The following DYNC1LI1 variants were observed in gnomAD, a reference collection of about 807,000 sequenced individuals.
The protein encoded by DYNC1LI1 is dynein cytoplasmic 1 light intermediate chain 1, also known as cytoplasmic dynein 1 light intermediate chain 1.
DYNC1LI1 carries 19 observed loss-of-function variants against 63.8 expected under a neutral mutation model. That is an observed-to-expected ratio of 0.30 (90% CI 0.21 to 0.44). The LOEUF (loss-of-function observed/expected upper bound fraction) is 0.44, where lower values mean the gene tolerates loss of function less well. Ranked by LOEUF, DYNC1LI1 falls within the 20% of genes least tolerant of loss-of-function variation. DYNC1LI1 has a pLI of 1.00. For synonymous variants in DYNC1LI1, 225 were observed against 232.3 expected, an observed-to-expected ratio of 0.97 and a Z score of 0.28; for missense variants, 565 against 630.2, an observed-to-expected ratio of 0.90 and a Z score of 1.11.
At chr3:32,555,073 T>C (rs945919810) in intron 2 of DYNC1LI1, among the ~76,000 whole-genome samples, 10 of 152,134 alleles carry the variant, frequency 6.6e-5, no homozygotes, top group Non-Finnish European at 1.0e-4. Flanking sequence ...TTTCACCATG[T>C]TGCCCAGGCT....
chr3:32,547,632 A>G (rs1697973855), intron 2 of DYNC1LI1, among the ~76,000 whole-genome samples: 1 of 152,198 alleles, frequency 6.6e-6, no homozygotes. Flanking sequence ...TGCCAAATTC[A>G]AAGTATCCCA....
At chr3:32,570,538 G>A in intron 1 of DYNC1LI1, 87 bp downstream of exon 1, 1 of 1,497,358 alleles carries the variant, frequency 6.7e-7, no homozygotes, top group Non-Finnish European at 8.9e-7. Flanking sequence ...CGGGCCCGGC[G>A]CCGAGCTCCA....
At chr3:32,526,934 C>G (rs1697627097) in intron 12 of DYNC1LI1, 26 bp from the exon 13 acceptor site, 1 of 1,515,426 alleles carries the variant, frequency 6.6e-7, no homozygotes, top group African/African-American at 1.4e-5. Context: ...AGAAAAAAAA[C>G]AAGATTTAGA....
intron 2 of DYNC1LI1, among the ~76,000 whole-genome samples, chr3:32,547,093 A>G (rs912025856): frequency 2.6e-5 from 4 of 152,058 alleles, no homozygotes; most frequent in Non-Finnish European, 4.4e-5. Flanking sequence ...AATACAAAAA[A>G]TTAGCAGGGC....
chr3:32,560,007 G>T lies in DYNC1LI1; in HGVS notation c.220+10339C>A, dbSNP rs575755600. 5.9e-5 allele frequency among the ~76,000 whole-genome samples: 9 copies of T among 152,308 alleles called. No homozygotes were observed. In the South Asian group the frequency reaches 1.9e-3, roughly 32 times the overall value. ...TCCTCCCTCACATTGGTAGGTAAGA[G>T]TAGGGAGAGACTATTAACAAAATGC... is the stretch of plus-strand genomic sequence containing the variant. On this transcript the variant is annotated intron_variant, in intron 2 of 12. Coordinates refer to ENST00000273130, the MANE Select transcript of DYNC1LI1 (RefSeq NM_016141.4).
intron 2 of DYNC1LI1, among the ~76,000 whole-genome samples, chr3:32,552,518 T>C (rs1211680112): frequency 1.3e-5 from 2 of 152,200 alleles, no homozygotes; most frequent in South Asian, 2.1e-4. Context: ...TATTTTTTTT[T>C]CCACTGAACA....
intron 2 of DYNC1LI1, 56 bp downstream of exon 2, chr3:32,570,290 A>T (rs1455187075): frequency 2.2e-6 from 3 of 1,395,172 alleles, no homozygotes; most frequent in Non-Finnish European, 3.0e-6. Context: ...CCCGCGGACC[A>T]GGTACCCCGG....
At chr3:32,529,318 A>G (rs1697664682) in intron 11 of DYNC1LI1, among the ~76,000 whole-genome samples, 1 of 152,154 alleles carries the variant, frequency 6.6e-6, no homozygotes, top group Admixed American at 6.5e-5. Flanking sequence ...CAGGAAATTG[A>G]TTAAATATAA....
At chr3:32,565,057 G>T (rs895094747) in intron 2 of DYNC1LI1, among the ~76,000 whole-genome samples, 1 of 152,132 alleles carries the variant, frequency 6.6e-6, no homozygotes, top group Non-Finnish European at 1.5e-5. Context: ...GCATATTACC[G>T]TGGACTAATA....
chr3:32,558,105 A>G (rs1429422269), intron 2 of DYNC1LI1, among the ~76,000 whole-genome samples: 3 of 152,108 alleles, frequency 2.0e-5, no homozygotes, highest in African/African-American at 4.8e-5. Context: ...ATGGTGGCAC[A>G]CACCTGTAGC....
At chr3:32,534,713 T>A (rs1697751932) in intron 6 of DYNC1LI1, 67 bp from the exon 7 acceptor site, 1 of 1,295,808 alleles carries the variant, frequency 7.7e-7, no homozygotes, top group Non-Finnish European at 1.0e-6. Flanking sequence ...AATTCTGTGT[T>A]TTCAGCTTAA....
chr3:32,570,798 C>G lies in DYNC1LI1; in HGVS notation c.-28G>C, dbSNP rs754911170. 3 of 1,592,222 alleles carry G rather than the reference C, an allele frequency of 1.9e-6. No individual in the cohort carries two copies. On this transcript the variant is annotated 5_prime_UTR_variant, in exon 1 of 13. Transcript: ENST00000273130. ...TGGTCGGGAATCACACCACTCCCGG[C>G]AAGACTAAATGTGCGAGGCGGCTGA...
intron 2 of DYNC1LI1, among the ~76,000 whole-genome samples, chr3:32,560,183 C>T (rs1422182374): frequency 6.6e-6 from 1 of 152,148 alleles, no homozygotes; most frequent in African/African-American, 2.4e-5. Flanking sequence ...AGCTGTAATC[C>T]CAAAACTTAT....
chr3:32,535,876 C>T (rs1697767571), intron 6 of DYNC1LI1, among the ~76,000 whole-genome samples: 1 of 152,144 alleles, frequency 6.6e-6, no homozygotes, highest in Non-Finnish European at 1.5e-5. Context: ...TCTGTACTTA[C>T]ATTTTTAAGT....
At chr3:32,561,984 C>A (rs562507501) in intron 2 of DYNC1LI1, among the ~76,000 whole-genome samples, 1 of 151,942 alleles carries the variant, frequency 6.6e-6, no homozygotes, top group East Asian at 1.9e-4. Flanking sequence ...AGAAAATGAA[C>A]ATGACCTGGT....
intron 8 of DYNC1LI1, 165 bp from the exon 9 acceptor site, chr3:32,530,685 CAG>C: frequency 3.3e-6 from 2 of 604,834 alleles, no homozygotes; most frequent in South Asian, 2.2e-5. Context: ...AGGCCTTCAG[CAG>C]AGGTGTCCAG....
rs561202276 is a variant in DYNC1LI1 at position 32,567,907 on chromosome 3, T to C, written c.220+2439A>G. On this transcript the variant is annotated intron_variant, in intron 2 of 12. Transcript: ENST00000273130. ...GTAGTAGAGATGGGGTTTCACCATATTGACCAGGCTGGTCTCTAACTCCTA... is the reference window on the plus strand; with the variant it reads ...GTAGTAGAGATGGGGTTTCACCATACTGACCAGGCTGGTCTCTAACTCCTA... Among the ~76,000 whole-genome samples the C allele has an allele frequency of 1.0e-3, 152 of 152,238 alleles. 1 individual carries two copies. The highest frequency in any genetic ancestry group is 3.2e-3 in the African/African-American group (133 of 41,546).
At chr3:32,542,195 A>G (rs912481433) in intron 4 of DYNC1LI1, among the ~76,000 whole-genome samples, 4 of 152,122 alleles carry the variant, frequency 2.6e-5, no homozygotes, top group African/African-American at 9.7e-5. Flanking sequence ...GGCTCACTAC[A>G]GCCCTGACCC....
intron 2 of DYNC1LI1, among the ~76,000 whole-genome samples, chr3:32,557,108 T>C (rs1302971109): frequency 6.6e-6 from 1 of 152,222 alleles, no homozygotes; most frequent in African/African-American, 2.4e-5. Flanking sequence ...TGGACAGTGT[T>C]TGAAGATACT....
Sources: allele counts gnomAD v4.1 joint callset (sites outside exome capture counted in the v4.1 genomes callset), GRCh38; gene constraint gnomAD v4.1.1; transcripts MANE v1.5; gene names NCBI Gene and HGNC (gene_info 2026-07-23, HGNC 2026-07-21).